The following NBAS variants were observed in gnomAD, a reference collection of about 807,000 sequenced individuals.
NBAS encodes NAG/BC035112 fusion.
A neutral mutation model predicts 302.5 loss-of-function variants in NBAS; 219 were observed. That is an observed-to-expected ratio of 0.72 (90% CI 0.65 to 0.81). The LOEUF is 0.81. Ranked by LOEUF, NBAS falls within the 30% of genes least tolerant of loss-of-function variation. The pLI, the probability that NBAS is intolerant of heterozygous loss-of-function variation, is 0.00. For synonymous variants in NBAS, 1,118 were observed against 1,021.6 expected (o/e 1.09, Z -1.80); for missense variants, 2,932 against 2,841.6 (o/e 1.03, Z -0.72).
the NBAS span, among the ~76,000 whole-genome samples, chr2:15,046,665 A>T: frequency 1.3e-5 from 2 of 152,292 alleles, no homozygotes; most frequent in Non-Finnish European, 2.9e-5. Context: ...TTCACTTTTA[A>T]TTAGTTGTAC....
chr2:15,191,639 C>T (rs1665362738), intron 48 of NBAS, among the ~76,000 whole-genome samples: 1 of 152,044 alleles, frequency 6.6e-6, no homozygotes, highest in South Asian at 2.1e-4. Flanking sequence ...GCCAACCATC[C>T]CGGTGGCACG....
intron 28 of NBAS, among the ~76,000 whole-genome samples, chr2:15,386,510 C>T (rs1319157588): frequency 6.6e-6 from 1 of 151,834 alleles, no homozygotes; most frequent in Non-Finnish European, 1.5e-5. Context: ...GCTTTTTTTC[C>T]CAGCCTTCTT....
At chr2:15,204,485 C>T (rs1179079268) in intron 48 of NBAS, among the ~76,000 whole-genome samples, 1 of 152,054 alleles carries the variant, frequency 6.6e-6, no homozygotes, top group Non-Finnish European at 1.5e-5. Context: ...CTAGAATAAA[C>T]TCTGTGAGAC....
At chr2:15,470,531 A>T (rs774456202) in intron 16 of NBAS, among the ~76,000 whole-genome samples, 2 of 152,192 alleles carry the variant, frequency 1.3e-5, no homozygotes, top group Non-Finnish European at 2.9e-5. Flanking sequence ...AATAAAACAG[A>T]TTTAGTCACT....
the NBAS span, among the ~76,000 whole-genome samples, chr2:15,009,247 T>A: frequency 6.6e-6 from 1 of 152,114 alleles, no homozygotes; most frequent in Non-Finnish European, 1.5e-5. Context: ...CAGGCACAAA[T>A]GGTAATCTAT....
chr2:15,158,260 C>T, the NBAS span, among the ~76,000 whole-genome samples: 2 of 152,186 alleles, frequency 1.3e-5, no homozygotes, highest in East Asian at 3.9e-4. Flanking sequence ...GATCCCGTTG[C>T]CATGGCAACT....
At position 15,203,216 on chromosome 2, in the gene NBAS, G is replaced by A. The variant is rs533336097; in HGVS notation, c.6433-12813C>T. ...TCTATGGTAGCTACTAGTATGGATA[G>A]TTCATAGTTATATATCATTCTGTCA... is the stretch of plus-strand genomic sequence containing the variant. On this transcript the variant is annotated intron_variant, in intron 48 of 51. Coordinates refer to ENST00000281513, the MANE Select transcript of NBAS (RefSeq NM_015909.4). Among the ~76,000 whole-genome samples, 4 of 152,218 alleles carry A rather than the reference G, an allele frequency of 2.6e-5. No individual in the cohort carries two copies. The East Asian group carries it at 7.7e-4, about 29-fold the overall frequency.
rs146470560 is a variant in NBAS at position 15,288,309 on chromosome 2, T to C, written c.5028-1126A>G. ...CAGGAAATGTGAACCAGCAATTAAA[T>C]ATAGCGGTGGTAGAGCTAAAAGAGA... On this transcript the variant is annotated intron_variant, in intron 41 of 51. Coordinates refer to ENST00000281513, the MANE Select transcript of NBAS (RefSeq NM_015909.4). 5.1e-3 allele frequency among the ~76,000 whole-genome samples: 779 copies of C among 152,278 alleles called. 3 individuals carry two copies. Among genetic ancestry groups the C allele is most frequent in the African/African-American group, 0.016 (664 of 41,550 alleles).
At chr2:15,274,373 G>A (rs529430320) in intron 44 of NBAS, among the ~76,000 whole-genome samples, 36 of 152,286 alleles carry the variant, frequency 2.4e-4, no homozygotes, top group African/African-American at 6.3e-4. Context: ...CAATCTTTGC[G>A]ATAGGGTACT....
At chr2:15,555,481 T>C (rs538486295) in intron 3 of NBAS, among the ~76,000 whole-genome samples, 1 of 152,184 alleles carries the variant, frequency 6.6e-6, no homozygotes, top group Non-Finnish European at 1.5e-5. Flanking sequence ...CAAAAAGAGC[T>C]AGCTGATACA....
At chr2:15,536,165 C>T (rs370040317) in intron 8 of NBAS, among the ~76,000 whole-genome samples, 23 of 152,002 alleles carry the variant, frequency 1.5e-4, no homozygotes, top group Non-Finnish European at 3.1e-4. Context: ...CAACTTACTA[C>T]GAAATGATTA....
At chr2:15,229,452 A>C (rs1200628913) in intron 47 of NBAS, among the ~76,000 whole-genome samples, 1 of 151,818 alleles carries the variant, frequency 6.6e-6, no homozygotes, top group African/African-American at 2.4e-5. Flanking sequence ...AATTTAAAAG[A>C]AGCAAATAAT....
the NBAS span, among the ~76,000 whole-genome samples, chr2:14,948,424 C>A: frequency 6.6e-6 from 1 of 151,878 alleles, no homozygotes; most frequent in Admixed American, 6.6e-5. Flanking sequence ...AATCAACATA[C>A]AAAAATCAGT....
At chr2:15,273,383 A>G (rs1669417549) in intron 44 of NBAS, among the ~76,000 whole-genome samples, 1 of 152,200 alleles carries the variant, frequency 6.6e-6, no homozygotes, top group African/African-American at 2.4e-5. Context: ...TGGGCTAAAA[A>G]TGCTCAGGGC....
chr2:15,498,590 G>T (rs1681158835), intron 11 of NBAS, among the ~76,000 whole-genome samples: 1 of 152,126 alleles, frequency 6.6e-6, no homozygotes, highest in South Asian at 2.1e-4. Flanking sequence ...TGGGTGATAT[G>T]GTTTGGATCT....
chr2:15,234,492 T>C (rs1667505313), intron 46 of NBAS, 53 bp downstream of exon 46: 5 of 1,558,714 alleles, frequency 3.2e-6, no homozygotes, highest in Non-Finnish European at 4.4e-6. Flanking sequence ...TTTAGCACCA[T>C]CACTGACAAA....
chr2:15,364,089 C>T (rs1389972687), intron 32 of NBAS, among the ~76,000 whole-genome samples: 1 of 152,166 alleles, frequency 6.6e-6, no homozygotes, highest in African/African-American at 2.4e-5. Context: ...GTGAATGAGC[C>T]CTCTTAGAAG....
At chr2:15,498,416 T>C (rs963902127) in intron 11 of NBAS, among the ~76,000 whole-genome samples, 2 of 152,118 alleles carry the variant, frequency 1.3e-5, no homozygotes, top group Non-Finnish European at 2.9e-5. Flanking sequence ...ACATTTAAAA[T>C]GGGACTATTC....
chr2:15,182,835 AAGT>A (rs1664891641), intron 50 of NBAS, among the ~76,000 whole-genome samples: 1 of 152,184 alleles, frequency 6.6e-6, no homozygotes, highest in East Asian at 1.9e-4. Context: ...TCATGGCCAT[AAGT>A]AAGCAAGTCC....
Sources: gnomAD v4.1 joint callset for allele counts (sites outside exome capture counted in the v4.1 genomes callset) on GRCh38, gnomAD v4.1.1 for gene constraint, MANE v1.5 for transcripts, NCBI Gene and HGNC (gene_info 2026-07-23, HGNC 2026-07-21) for gene names.